ASTN1: variants seen among roughly 807,000 people sequenced by gnomAD.
ASTN1 encodes the protein astrotactin 1, also known as astrotactin-1.
ASTN1 carries 41 observed loss-of-function variants against 140.7 expected under a neutral mutation model. The ratio of observed to expected loss-of-function variants is 0.29; its 90% confidence interval spans 0.23 to 0.38. The LOEUF (loss-of-function observed/expected upper bound fraction) is 0.38. ASTN1 is among the 10% of genes least tolerant of loss of function. The pLI is 1.00. For synonymous variants in ASTN1, 640 were observed against 652.2 expected, an observed-to-expected ratio of 0.98 and a Z score of 0.29; for missense variants, 1,479 against 1,678.8, an observed-to-expected ratio of 0.88 and a Z score of 2.08.
At chr1:176,903,345 T>A (rs903998407) in intron 16 of ASTN1, among the ~76,000 whole-genome samples, 3 of 151,968 alleles carry the variant, frequency 2.0e-5, no homozygotes, top group Admixed American at 6.6e-5. Context: ...CTCCCATCAT[T>A]CCTTGCAGAA....
chr1:176,894,988 C>T (rs1312821803), intron 16 of ASTN1, among the ~76,000 whole-genome samples, 158 bp from the exon 17 acceptor site: 1 of 152,144 alleles, frequency 6.6e-6, no homozygotes, highest in Non-Finnish European at 1.5e-5. Flanking sequence ...ATTTGGGGCA[C>T]CCAACCTCCC....
chr1:177,101,962 C>G (rs1388600843), intron 1 of ASTN1, among the ~76,000 whole-genome samples: 1 of 152,198 alleles, frequency 6.6e-6, no homozygotes, highest in African/African-American at 2.4e-5. Flanking sequence ...AAGATTGGGT[C>G]TCAGTTTTCA....
chr1:177,133,962 T>C (rs866854469), intron 1 of ASTN1, among the ~76,000 whole-genome samples: 1 of 152,188 alleles, frequency 6.6e-6, no homozygotes, highest in South Asian at 2.1e-4. Flanking sequence ...GGAAACAAAA[T>C]TATCTGGAAC....
chr1:177,130,250 A>C (rs529998685), intron 1 of ASTN1, among the ~76,000 whole-genome samples: 166 of 152,284 alleles, frequency 1.1e-3, no homozygotes, highest in African/African-American at 3.8e-3. Flanking sequence ...CCAGAGATAA[A>C]ACTAGGCTTT....
chr1:177,041,731 C>T (rs1416959700), intron 2 of ASTN1, among the ~76,000 whole-genome samples: 2 of 152,232 alleles, frequency 1.3e-5, no homozygotes, highest in African/African-American at 4.8e-5. Flanking sequence ...GCAGCGGGTG[C>T]AGTATATGCT....
intron 9 of ASTN1, among the ~76,000 whole-genome samples, chr1:176,961,473 G>A (rs141091202): frequency 5.3e-5 from 8 of 152,274 alleles, no homozygotes; most frequent in Non-Finnish European, 8.8e-5. Flanking sequence ...GCTCTGTAGC[G>A]TGGCCTCATT....
At chr1:176,890,996 C>A (rs12138487) in intron 17 of ASTN1, among the ~76,000 whole-genome samples, 9,085 of 151,924 alleles carry the variant, frequency 0.06, 350 homozygotes, top group Non-Finnish European at 0.087. Flanking sequence ...CACTGTACTC[C>A]GGCCTGGGCA....
At chr1:176,907,068 A>G (rs1348731808) in intron 16 of ASTN1, among the ~76,000 whole-genome samples, 1 of 152,184 alleles carries the variant, frequency 6.6e-6, no homozygotes, top group Non-Finnish European at 1.5e-5. Context: ...AGCAGAGGGA[A>G]CATTCCAGAG....
chr1:177,072,697 T>C (rs931123732), intron 1 of ASTN1, among the ~76,000 whole-genome samples: 3 of 152,154 alleles, frequency 2.0e-5, no homozygotes, highest in Admixed American at 6.5e-5. Flanking sequence ...CCAAACAAAA[T>C]ACACTTTAAG....
Position 177,075,442 on chromosome 1 carries a change from A to G in ASTN1, c.284-14177T>C, listed in dbSNP as rs186386876. Reference sequence around the variant, plus strand: ...ATTCATCAAAAAAAAAAAAAAAAATACTAAGTAGCTTTGCTTTCTTTGCTG... The same window carrying G: ...ATTCATCAAAAAAAAAAAAAAAAATGCTAAGTAGCTTTGCTTTCTTTGCTG... On this transcript the variant is annotated intron_variant, in intron 1 of 22. Coordinates refer to ENST00000361833, the MANE Select transcript of ASTN1 (RefSeq NM_004319.3). Among the ~76,000 whole-genome samples the G allele has an allele frequency of 2.0e-5, 3 of 149,312 alleles. No individual in the cohort carries two copies. The East Asian group carries it at 5.9e-4, about 29-fold the overall frequency.
intron 11 of ASTN1, 113 bp from the exon 12 acceptor site, chr1:176,949,464 A>G: frequency 8.4e-7 from 1 of 1,188,432 alleles, no homozygotes; most frequent in Non-Finnish European, 1.2e-6. Context: ...GAAACTATTA[A>G]CATTCGCAAG....
chr1:176,984,946 C>T (rs986355997), intron 8 of ASTN1, among the ~76,000 whole-genome samples: 12 of 152,202 alleles, frequency 7.9e-5, no homozygotes, highest in Admixed American at 6.5e-5. Context: ...ATCAGACCAA[C>T]ATGCCATAGA....
chr1:177,141,212 A>G (rs977241943), intron 1 of ASTN1, among the ~76,000 whole-genome samples: 3 of 152,066 alleles, frequency 2.0e-5, no homozygotes, highest in African/African-American at 7.2e-5. Context: ...GCAAAATTCC[A>G]TCTCAAAAAC....
At chr1:176,964,123 T>C (rs927881867) in intron 9 of ASTN1, among the ~76,000 whole-genome samples, 2 of 152,194 alleles carry the variant, frequency 1.3e-5, no homozygotes, top group African/African-American at 4.8e-5. Flanking sequence ...AGGAGGCAAA[T>C]GCAGGAGCAA....
chr1:177,164,398 C>G lies in ASTN1; in HGVS notation c.279G>C (p.Val93=). The G allele has an allele frequency of 6.3e-7, 1 of 1,594,426 alleles. No homozygotes were observed. Among genetic ancestry groups the G allele is most frequent in the South Asian group, 1.1e-5 (1 of 88,826 alleles). Reference sequence around the variant, plus strand: ...TCGACCTCCCCCGGGACTCACCCAGCACGAAGTAGGGCAGCTCCGTGTTCT... The same window carrying G: ...TCGACCTCCCCCGGGACTCACCCAGGACGAAGTAGGGCAGCTCCGTGTTCT... ...DLENTELPYF[V]LEISGNTEDI... The change falls in exon 1 of 23, where the codon GTG becomes GTC. Residue 93 remains valine, a synonymous_variant. Transcript: ENST00000361833.
intron 1 of ASTN1, among the ~76,000 whole-genome samples, chr1:177,068,436 A>C (rs971744492): frequency 6.6e-6 from 1 of 152,188 alleles, no homozygotes; most frequent in African/African-American, 2.4e-5. Context: ...AGGATAATTG[A>C]ATTTCTATTT....
chr1:177,102,434 T>C (rs1437168802), intron 1 of ASTN1, among the ~76,000 whole-genome samples: 1 of 152,126 alleles, frequency 6.6e-6, no homozygotes, highest in African/African-American at 2.4e-5. Context: ...TTCCATTCCA[T>C]CACACACCTT....
Position 176,945,996 on chromosome 1 carries a change from C to A in ASTN1, c.2179G>T (p.Glu727Ter). The A allele has an allele frequency of 6.2e-7, 1 of 1,614,114 alleles. No homozygotes were observed. The highest frequency in any genetic ancestry group is 8.5e-7 in the Non-Finnish European group (1 of 1,179,994). ...ELPMNQTLFG[E>*]MFFGYNNHSK... ...TGGTTGTTGTAACCAAAGAACATCT[C>A]CCCAAAGAGGGTCTGGTTCATGGGA... Residue 727 changes from glutamate to a stop codon, truncating the protein, a stop_gained, in exon 13 of 23, where the codon GAG becomes TAG. Coordinates refer to ENST00000361833, the MANE Select transcript of ASTN1 (RefSeq NM_004319.3). LOFTEE classifies it high-confidence loss of function.
chr1:177,077,355 C>G (rs911652850), intron 1 of ASTN1, among the ~76,000 whole-genome samples: 20 of 152,030 alleles, frequency 1.3e-4, no homozygotes, highest in African/African-American at 4.8e-4. Context: ...GTTAAAGATA[C>G]CTAGTCAGGT....
Sources: allele counts gnomAD v4.1 joint callset (sites outside exome capture counted in the v4.1 genomes callset), GRCh38; gene constraint gnomAD v4.1.1; transcripts MANE v1.5; gene names NCBI Gene and HGNC (gene_info 2026-07-23, HGNC 2026-07-21).